CERS5: variants seen among roughly 807,000 people sequenced by gnomAD.
CERS5 encodes ceramide synthase 5.
A neutral mutation model predicts 58.9 loss-of-function variants in CERS5; 37 were observed. The observed-to-expected ratio is 0.63, with a 90% CI of 0.48 to 0.83. CERS5 has a LOEUF of 0.83. CERS5 is among the 40% of genes least tolerant of loss of function. The pLI, the probability that CERS5 is intolerant of heterozygous loss-of-function variation, is 0.00. For synonymous variants in CERS5, 147 were observed against 177.8 expected, an observed-to-expected ratio of 0.83 and a Z score of 1.38; for missense variants, 398 against 489.3, an observed-to-expected ratio of 0.81 and a Z score of 1.76.
In CERS5 at chr12:50,129,364, T is replaced by C. The variant is rs1426900067; in HGVS notation, c.*1181A>G. ...TAGCTACACCAACCAATCCAGTTTG[T>C]ATTAACAAGGCAATTGTTCAAATTT... On this transcript the variant is annotated 3_prime_UTR_variant, in exon 10 of 10. Transcript: ENST00000317551. 1.3e-5 allele frequency: 2 copies of C among 152,222 alleles called. No individual in the cohort carries two copies. Among genetic ancestry groups the C allele is most frequent in the East Asian group, 3.8e-4 (2 of 5,202 alleles). 9.4% of individuals were successfully genotyped at this position (152,222 alleles called of 1,614,324 possible).
In CERS5 at chr12:50,129,522, TTTA is replaced by T. The variant is rs1467024723; in HGVS notation, c.*1020_*1022del. 6.6e-6 allele frequency: 1 copy of T among 151,064 alleles called. No individual in the cohort carries two copies. Among genetic ancestry groups the T allele is most frequent in the African/African-American group, 2.4e-5 (1 of 41,088 alleles). 9.4% of individuals were successfully genotyped at this position (151,064 alleles called of 1,614,324 possible). ...CCTAATTTTTTTTTTTTTTTTTTTT[TTTA>T]GACAGAGTCTCGGTCTGTCGCCCAG... On this transcript the variant is annotated 3_prime_UTR_variant, in exon 10 of 10. Transcript: ENST00000317551.
At chr12:50,156,419 A>AATATATATATATATATAT (rs1401131951) in intron 1 of CERS5, among the ~76,000 whole-genome samples, 1 of 41,476 alleles carries the variant, frequency 2.4e-5, no homozygotes, top group Non-Finnish European at 4.8e-5. Context: ...AAACAAACAA[A>AATATATATATATATATAT]CTATATATAT....
chr12:50,136,655 G>A (rs1046307634), intron 6 of CERS5, among the ~76,000 whole-genome samples: 1 of 152,070 alleles, frequency 6.6e-6, no homozygotes, highest in Admixed American at 6.6e-5. Flanking sequence ...GCTGACACTT[G>A]GGGATAACAT....
At chr12:50,148,644 AC>A (rs1952446023) in intron 1 of CERS5, 2 of 243,276 alleles carry the variant, frequency 8.2e-6, no homozygotes, top group Non-Finnish European at 1.8e-5. Context: ...GACTTGTAAT[AC>A]CGGCACTTTG....
intron 5 of CERS5, 21 bp downstream of exon 5, chr12:50,138,546 C>T: frequency 1.2e-6 from 2 of 1,609,794 alleles, no homozygotes; most frequent in Middle Eastern, 3.3e-4. Flanking sequence ...GACCCCTATC[C>T]TGAAACGACT....
chr12:50,160,306 A>G (rs1256252433), intron 1 of CERS5, among the ~76,000 whole-genome samples: 3 of 149,186 alleles, frequency 2.0e-5, no homozygotes, highest in African/African-American at 7.3e-5. Flanking sequence ...CTCTGTCTCA[A>G]AAAAAAAAAA....
At position 50,142,160 on chromosome 12, in the gene CERS5, C is replaced by T. The variant is rs371525125; in HGVS notation, c.435-50G>A. 6.2e-6 allele frequency: 8 copies of T among 1,287,770 alleles called. No homozygotes were observed. The African/African-American group carries it at 1.0e-4, about 17-fold the overall frequency. 79.8% of individuals were successfully genotyped at this position (1,287,770 alleles called of 1,614,324 possible). On this transcript the variant is annotated intron_variant, in intron 3 of 9. Transcript: ENST00000317551. ...AGACAAATGTCCACTCAAACCAAAG[C>T]CTCTGAGGCTACGGAAGTCAAGATA...
At position 50,143,165 on chromosome 12, in the gene CERS5, G is replaced by A. The variant is rs781206379; in HGVS notation, c.343C>T (p.Leu115=). Residue 115 remains leucine (L), a synonymous_variant, in exon 3 of 10, where the codon CTG becomes TTG. Coordinates refer to ENST00000317551, the MANE Select transcript of CERS5 (RefSeq NM_147190.5). ...KKRLEGLSKQ[L]DWNVRKIQCW... is the part of the protein sequence containing the mutation. ...TGGATTTTTCGGACATTCCAATCCA[G>A]CTGCTTTGACAGGCCCTCCAGCCTT... 8 of 1,614,082 alleles carry A rather than the reference G, an allele frequency of 5.0e-6. No homozygotes were observed. The highest frequency in any genetic ancestry group is 1.7e-5 in the Admixed American group (1 of 59,996).
chr12:50,150,658 A>G (rs1179781942), intron 1 of CERS5, among the ~76,000 whole-genome samples: 1 of 152,196 alleles, frequency 6.6e-6, no homozygotes, highest in Non-Finnish European at 1.5e-5. Flanking sequence ...CATCAGCATA[A>G]AAGGTGAATT....
In CERS5 at chr12:50,147,308, CAGG is replaced by C. The variant is rs1261751012; in HGVS notation, c.198-3254_198-3252del. The C allele has an allele frequency of 1.1e-4, 16 of 149,094 alleles. 1 individual carries two copies. In the East Asian group the frequency reaches 3.2e-3, roughly 30 times the overall value. 9.2% of individuals were successfully genotyped at this position (149,094 alleles called of 1,614,324 possible). ...ACCCCAGCTACTCAGGAGGCTGAAG[CAGG>C]AGAATTGCTTTTACCCAGGAGGCGG... is the stretch of plus-strand genomic sequence containing the variant. On this transcript the variant is annotated intron_variant, in intron 1 of 9. Transcript: ENST00000317551.
intron 8 of CERS5, chr12:50,135,432 C>T: frequency 3.4e-6 from 2 of 586,058 alleles, no homozygotes; most frequent in Non-Finnish European, 3.2e-6. Flanking sequence ...AAAGGAATTA[C>T]TTAGGCATAA....
intron 1 of CERS5, among the ~76,000 whole-genome samples, chr12:50,151,437 C>T (rs1206339209): frequency 6.6e-6 from 1 of 152,184 alleles, no homozygotes; most frequent in African/African-American, 2.4e-5. Context: ...CTCTTCCTTA[C>T]TGCCACTCTT....
intron 1 of CERS5, among the ~76,000 whole-genome samples, chr12:50,149,313 G>A (rs879632026): frequency 2.0e-5 from 3 of 152,118 alleles, no homozygotes; most frequent in Non-Finnish European, 4.4e-5. Context: ...CTTTCCACCT[G>A]TAACTCCAGG....
chr12:50,135,109 GGAGGGAGGGAGAGAGAGGA>G (rs1387090935), intron 8 of CERS5, among the ~76,000 whole-genome samples: 4 of 135,030 alleles, frequency 3.0e-5, no homozygotes, highest in African/African-American at 8.4e-5. Flanking sequence ...GAGAGGAGAG[GGAGGGAGGGAGAGAGAGGA>G]GAGGGAGGGA....
intron 1 of CERS5, among the ~76,000 whole-genome samples, chr12:50,145,505 T>A (rs1485135150): frequency 6.6e-6 from 1 of 152,196 alleles, no homozygotes; most frequent in Non-Finnish European, 1.5e-5. Flanking sequence ...CATTTGAACC[T>A]AGAATATATT....
At position 50,134,543 on chromosome 12, in the gene CERS5, C is replaced by T. The variant is rs1951524768; in HGVS notation, c.1029+3G>A. 3 of 1,614,064 alleles carry T rather than the reference C, an allele frequency of 1.9e-6. No individual in the cohort carries two copies. Among genetic ancestry groups the T allele is most frequent in the South Asian group, 2.2e-5 (2 of 91,080 alleles). ...AAAGAAAGAAGCCATCTTTCATCCT[C>T]ACCTTTCCCCTGATCAAGGCTTTCA... On this transcript the variant is annotated splice_donor_region_variant and intron_variant, in intron 9 of 9. Coordinates refer to ENST00000317551, the MANE Select transcript of CERS5 (RefSeq NM_147190.5).
At position 50,146,864 on chromosome 12, in the gene CERS5, AAG is replaced by A. The variant is rs1185154476; in HGVS notation, c.198-2809_198-2808del. ...TCCGTCTCAAAAAAAAAAAAAAAAA[AAG>A]AACATTTGACAAATACTTGTTGATT... On this transcript the variant is annotated intron_variant, in intron 1 of 9. Coordinates refer to ENST00000317551, the MANE Select transcript of CERS5 (RefSeq NM_147190.5). Among the ~76,000 whole-genome samples the A allele has an allele frequency of 7.6e-3, 1,145 of 151,132 alleles. 12 individuals carry two copies. Among genetic ancestry groups the A allele is most frequent in the African/African-American group, 0.027 (1,085 of 40,832 alleles).
chr12:50,142,100 T>C lies in CERS5; in HGVS notation c.445A>G (p.Thr149Ala). 6.2e-7 allele frequency: 1 copy of C among 1,604,418 alleles called. No individual in the cohort carries two copies. The highest frequency in any genetic ancestry group is 8.5e-7 in the Non-Finnish European group (1 of 1,172,434). ...TAGCAGAATATACATAAATAAAATG[T>C]GAATCTCCACCTGGGTGGGCAAAGA... ...TKFCESMWRF[T>A]FYLCIFCYGI... Residue 149 changes from threonine (T) to alanine (A), a missense_variant, in exon 4 of 10, where the codon ACA (threonine) becomes GCA (alanine). By Grantham distance (58) the Thr-to-Ala change is moderately conservative (BLOSUM62 0). Transcript: ENST00000317551.
At chr12:50,133,430 CAT>C (rs1592330823) in intron 9 of CERS5, 3 of 1,006,752 alleles carry the variant, frequency 3.0e-6, no homozygotes, top group Non-Finnish European at 3.6e-6. Flanking sequence ...ACACTTGCCT[CAT>C]ACACTAGTGG....
Sources: allele counts gnomAD v4.1 joint callset (sites outside exome capture counted in the v4.1 genomes callset), GRCh38; gene constraint gnomAD v4.1.1; transcripts MANE v1.5; gene names NCBI Gene and HGNC (gene_info 2026-07-23, HGNC 2026-07-21).